The following PRR16 variants were observed in gnomAD, a reference collection of about 807,000 sequenced individuals.
PRR16 encodes protein Largen.
Under a neutral mutation model 18.2 loss-of-function variants are expected in PRR16, and 6 were observed. That is an observed-to-expected ratio of 0.33 (90% CI 0.18 to 0.65). The LOEUF (loss-of-function observed/expected upper bound fraction) is 0.65. PRR16 is among the 30% of genes least tolerant of loss of function. The pLI, the probability that PRR16 is intolerant of heterozygous loss-of-function variation, is 0.74. For missense variants in PRR16, 412 were observed against 376.6 expected (o/e 1.09, Z -0.78); for synonymous variants, 151 against 147.8 (o/e 1.02, Z -0.16).
chr5:120,765,302 TGTA>T, the PRR16 span, among the ~76,000 whole-genome samples: 2 of 151,978 alleles, frequency 1.3e-5, no homozygotes, highest in African/African-American at 4.8e-5. Context: ...AGAAGTTGAA[TGTA>T]TCTTAGTCTG....
At chr5:120,649,058 A>G (rs1168698515) in intron 1 of PRR16, among the ~76,000 whole-genome samples, 2 of 152,152 alleles carry the variant, frequency 1.3e-5, no homozygotes, top group Non-Finnish European at 2.9e-5. Context: ...TCGTTTAACA[A>G]TTGGCTCACA....
chr5:120,614,120 T>C (rs1754426023), intron 1 of PRR16, among the ~76,000 whole-genome samples: 2 of 152,208 alleles, frequency 1.3e-5, no homozygotes, highest in South Asian at 2.1e-4. Flanking sequence ...TACATGTTTT[T>C]CTTCTGTAAT....
At chr5:120,704,762 A>C in the PRR16 span, among the ~76,000 whole-genome samples, 1 of 152,174 alleles carries the variant, frequency 6.6e-6, no homozygotes, top group African/African-American at 2.4e-5. Flanking sequence ...AATTAACAAT[A>C]ATTAAATAAT....
intron 1 of PRR16, among the ~76,000 whole-genome samples, chr5:120,616,638 G>A (rs2112813718): frequency 6.6e-6 from 1 of 152,186 alleles, no homozygotes. Flanking sequence ...CCGTTTCTGT[G>A]ATATGCTTGA....
the PRR16 span, among the ~76,000 whole-genome samples, chr5:120,759,140 C>T: frequency 5.3e-5 from 8 of 151,918 alleles, no homozygotes; most frequent in Admixed American, 5.2e-4. Context: ...CCATGCCTGG[C>T]TAATTTTTTG....
intron 1 of PRR16, among the ~76,000 whole-genome samples, chr5:120,496,234 A>G (rs1750240788): frequency 6.6e-6 from 1 of 152,032 alleles, no homozygotes. Context: ...TATGGTGTGG[A>G]CATTCCCACG....
intron 1 of PRR16, among the ~76,000 whole-genome samples, chr5:120,641,764 AC>A (rs1489160187): frequency 6.6e-6 from 1 of 152,036 alleles, no homozygotes; most frequent in Non-Finnish European, 1.5e-5. Flanking sequence ...ATGCAGCTTC[AC>A]CCTCCGTCTG....
At chr5:120,790,857 A>G in the PRR16 span, 1 of 150,232 alleles carries the variant, frequency 6.7e-6, no homozygotes, top group East Asian at 1.9e-4. Context: ...AAAAAAAAAA[A>G]ATCAGTTATC....
At chr5:120,678,092 G>A (rs1756863275) in intron 1 of PRR16, among the ~76,000 whole-genome samples, 1 of 151,960 alleles carries the variant, frequency 6.6e-6, no homozygotes, top group South Asian at 2.1e-4. Flanking sequence ...TGTATTTTTA[G>A]TAGAGACGGC....
At chr5:120,511,052 T>C (rs1750810478) in intron 1 of PRR16, among the ~76,000 whole-genome samples, 1 of 152,154 alleles carries the variant, frequency 6.6e-6, no homozygotes, top group Admixed American at 6.6e-5. Context: ...TAGGGCTCCA[T>C]ACACAAGCGC....
chr5:120,660,760 T>C (rs1422423434), intron 1 of PRR16, among the ~76,000 whole-genome samples: 3 of 152,102 alleles, frequency 2.0e-5, no homozygotes, highest in African/African-American at 7.2e-5. Context: ...GTCTTATGTG[T>C]GTTTTTAGAA....
intron 1 of PRR16, among the ~76,000 whole-genome samples, chr5:120,544,108 A>G (rs1038678015): frequency 5.9e-5 from 9 of 152,164 alleles, no homozygotes; most frequent in African/African-American, 1.7e-4. Flanking sequence ...GACAAATACA[A>G]ATGCTTGAAG....
chr5:120,603,003 A>G (rs1005456286), intron 1 of PRR16, among the ~76,000 whole-genome samples: 1 of 152,060 alleles, frequency 6.6e-6, no homozygotes, highest in Non-Finnish European at 1.5e-5. Context: ...TATGTTCATT[A>G]GGAATATTGG....
At chr5:120,619,188 A>G (rs1754608175) in intron 1 of PRR16, among the ~76,000 whole-genome samples, 1 of 152,150 alleles carries the variant, frequency 6.6e-6, no homozygotes, top group Non-Finnish European at 1.5e-5. Flanking sequence ...CCTAAAGTCA[A>G]GTATTTTGTG....
chr5:120,484,522 AATGT>A (rs1392298879), intron 1 of PRR16, among the ~76,000 whole-genome samples: 14 of 145,544 alleles, frequency 9.6e-5, no homozygotes, highest in African/African-American at 3.2e-4. Flanking sequence ...TGTATATATA[AATGT>A]ATGTACAATA....
At position 120,628,695 on chromosome 5, in the gene PRR16, CATCTATCTATCTATCTATCT is replaced by C. The variant is rs10590670; in HGVS notation, c.160-57223_160-57204del. ...TCTATCTATCTATCTATCATTCTAC[CATCTATCTATCTATCTATCT>C]ATCTATCTATCTATCTATCTATCTA... On this transcript the variant is annotated intron_variant, in intron 1 of 1. Coordinates refer to ENST00000407149, the MANE Select transcript of PRR16 (RefSeq NM_001300783.2). 5.0e-3 allele frequency among the ~76,000 whole-genome samples: 720 copies of C among 144,702 alleles called. 8 individuals are homozygous for C. Among genetic ancestry groups the C allele is most frequent in the Admixed American group, 0.027 (381 of 14,372 alleles). The allele number at this position is 144,702 out of a possible 152,430, so 94.9% of individuals were successfully genotyped here.
At chr5:120,576,828 G>A (rs1753094618) in intron 1 of PRR16, among the ~76,000 whole-genome samples, 1 of 152,018 alleles carries the variant, frequency 6.6e-6, no homozygotes, top group African/African-American at 2.4e-5. Flanking sequence ...GCTCTCCTGG[G>A]TCTCCAGCTT....
At chr5:120,528,851 T>C (rs1410927292) in intron 1 of PRR16, among the ~76,000 whole-genome samples, 1 of 152,152 alleles carries the variant, frequency 6.6e-6, no homozygotes, top group Admixed American at 6.5e-5. Flanking sequence ...GACAGATTAT[T>C]ATGGATTGCA....
At chr5:120,469,315 T>C (rs1006853438) in intron 1 of PRR16, among the ~76,000 whole-genome samples, 34 of 152,146 alleles carry the variant, frequency 2.2e-4, no homozygotes, top group African/African-American at 7.7e-4. Flanking sequence ...TAGAGAATAA[T>C]CTCGGAACTA....
Sources: gnomAD v4.1 joint callset for allele counts (sites outside exome capture counted in the v4.1 genomes callset) on GRCh38, gnomAD v4.1.1 for gene constraint, MANE v1.5 for transcripts, NCBI Gene and HGNC (gene_info 2026-07-23, HGNC 2026-07-21) for gene names.